ADAMTS3: variants seen among roughly 807,000 people sequenced by gnomAD.
ADAMTS3 encodes A disintegrin and metalloproteinase with thrombospondin motifs 3.
ADAMTS3 carries 73 observed loss-of-function variants against 129.0 expected under a neutral mutation model. The ratio of observed to expected loss-of-function variants is 0.57; its 90% CI spans 0.47 to 0.69. ADAMTS3 has a LOEUF of 0.69. ADAMTS3 is among the 30% of genes least tolerant of loss of function. The pLI is 0.00. For synonymous variants in ADAMTS3, 477 were observed against 510.8 expected (o/e 0.93, Z 0.89); for missense variants, 1,457 against 1,514.5 (o/e 0.96, Z 0.63).
intron 3 of ADAMTS3, among the ~76,000 whole-genome samples, chr4:72,530,428 TAA>T (rs1490575426): frequency 4.0e-4 from 34 of 84,002 alleles, no homozygotes; most frequent in Non-Finnish European, 5.0e-4. Flanking sequence ...TATATTAAAT[TAA>T]TATATGTTAA....
intron 3 of ADAMTS3, among the ~76,000 whole-genome samples, chr4:72,417,421 C>T (rs1455895553): frequency 6.6e-6 from 1 of 152,074 alleles, no homozygotes; most frequent in Non-Finnish European, 1.5e-5. Flanking sequence ...AAATTTCAGG[C>T]CACATGATGT....
chr4:72,323,278 G>T lies in ADAMTS3; in HGVS notation c.862-181C>A, dbSNP rs1719612850. On this transcript the variant is annotated intron_variant, in intron 5 of 21. Transcript: ENST00000286657. Reference sequence around the variant, plus strand: ...TAGCTTTGGTACAATGTGTGGATATGTAAATTGCTAATTTTGTAAACTCCA... The same window carrying T: ...TAGCTTTGGTACAATGTGTGGATATTTAAATTGCTAATTTTGTAAACTCCA... 5 of 579,148 alleles carry T rather than the reference G, an allele frequency of 8.6e-6. No individual in the cohort carries two copies. The Admixed American group carries it at 8.8e-5, about 10-fold the overall frequency. 35.9% of individuals were successfully genotyped at this position (579,148 alleles called of 1,614,324 possible). A position where few individuals can be genotyped will look rare whatever the true frequency, so the allele number is the denominator to read the frequency against.
Position 72,529,811 on chromosome 4 carries a change from A to G in ADAMTS3, c.504+18667T>C, listed in dbSNP as rs182694664. Among the ~76,000 whole-genome samples the G allele has an allele frequency of 1.8e-3, 172 of 93,910 alleles. 2 individuals are homozygous for G. Among genetic ancestry groups the G allele is most frequent in the African/African-American group, 7.3e-3 (168 of 23,148 alleles). The allele number at this position is 93,910 out of a possible 152,430, so 61.6% of individuals were successfully genotyped here. ...TATAATTTAATATAATATATATTAT[A>G]TATAATAATACATAATATATAACAT... is the stretch of plus-strand genomic sequence containing the variant. On this transcript the variant is annotated intron_variant, in intron 3 of 21. Transcript: ENST00000286657.
At chr4:72,457,712 A>C (rs1718662097) in intron 3 of ADAMTS3, among the ~76,000 whole-genome samples, 2 of 151,710 alleles carry the variant, frequency 1.3e-5, no homozygotes, top group Admixed American at 1.3e-4. Context: ...CTAAGGTAGA[A>C]AGATTCCACA....
At chr4:72,291,236 A>C (rs1718654562) in intron 19 of ADAMTS3, among the ~76,000 whole-genome samples, 174 bp from the exon 20 acceptor site, 1 of 152,004 alleles carries the variant, frequency 6.6e-6, no homozygotes, top group Admixed American at 6.6e-5. Context: ...TTTTAACAAT[A>C]GTAGGCTGAA....
At chr4:72,518,262 T>C (rs1733179025) in intron 3 of ADAMTS3, among the ~76,000 whole-genome samples, 1 of 152,158 alleles carries the variant, frequency 6.6e-6, no homozygotes, top group South Asian at 2.1e-4. Flanking sequence ...TCCAAGTATG[T>C]GGTCAATTTT....
At chr4:72,313,919 C>A in intron 11 of ADAMTS3, 97 bp from the exon 12 acceptor site, 1 of 1,371,078 alleles carries the variant, frequency 7.3e-7, no homozygotes, top group Non-Finnish European at 1.0e-6. Context: ...TTTCTTACTG[C>A]TCTTTTTTCT....
chr4:72,430,587 G>T (rs1258064071), intron 3 of ADAMTS3, among the ~76,000 whole-genome samples: 2 of 151,898 alleles, frequency 1.3e-5, no homozygotes, highest in Non-Finnish European at 2.9e-5. Context: ...TTGCCCTCTT[G>T]GAATGCCTAA....
At chr4:72,342,011 C>T (rs79969748) in intron 4 of ADAMTS3, among the ~76,000 whole-genome samples, 5,746 of 152,182 alleles carry the variant, frequency 0.038, 363 homozygotes, top group African/African-American at 0.13. Flanking sequence ...CTGTGAAATA[C>T]CTTCATTCAT....
At chr4:72,315,656 C>T (rs983076523) in intron 11 of ADAMTS3, among the ~76,000 whole-genome samples, 5 of 152,138 alleles carry the variant, frequency 3.3e-5, no homozygotes, top group South Asian at 2.1e-4. Context: ...TCCATTGTTT[C>T]AAGCCAACAA....
intron 3 of ADAMTS3, among the ~76,000 whole-genome samples, chr4:72,422,810 G>A (rs971217202): frequency 1.3e-5 from 2 of 152,148 alleles, no homozygotes; most frequent in East Asian, 3.9e-4. Flanking sequence ...ATGGGAACAA[G>A]GGGTGTGGGA....
At chr4:72,311,217 T>A in intron 13 of ADAMTS3, 36 bp from the exon 14 acceptor site, 2 of 1,576,158 alleles carry the variant, frequency 1.3e-6, no homozygotes, top group East Asian at 2.3e-5. Flanking sequence ...ACTATTTACA[T>A]AAAATGGAAT....
At chr4:72,547,774 A>G (rs1721503259) in intron 3 of ADAMTS3, among the ~76,000 whole-genome samples, 1 of 152,196 alleles carries the variant, frequency 6.6e-6, no homozygotes, top group Admixed American at 6.5e-5. Flanking sequence ...TTATTATTAG[A>G]CCCAACAGAC....
chr4:72,319,948 G>A lies in ADAMTS3; in HGVS notation c.1118C>T (p.Thr373Ile). Residue 373 changes from threonine (T) to isoleucine (I), a missense_variant, in exon 8 of 22, where the codon ACC becomes ATC. Coordinates refer to ENST00000286657, the MANE Select transcript of ADAMTS3 (RefSeq NM_014243.3). ...PAGMQGYAPV[T>I]GMCHPVRSCT... Reference sequence around the variant, plus strand: ...ACTTCTCACTGGATGACACATGCCGGTGACTGGAGCATATCCTGTAGAGAA... The same window carrying A: ...ACTTCTCACTGGATGACACATGCCGATGACTGGAGCATATCCTGTAGAGAA... The A allele has an allele frequency of 6.2e-7, 1 of 1,613,130 alleles. No individual in the cohort carries two copies. The highest frequency in any genetic ancestry group is 2.2e-5 in the East Asian group (1 of 44,792).
At chr4:72,362,389 T>C (rs1720751343) in intron 4 of ADAMTS3, among the ~76,000 whole-genome samples, 1 of 152,174 alleles carries the variant, frequency 6.6e-6, no homozygotes, top group Admixed American at 6.5e-5. Flanking sequence ...ACTAGTCATT[T>C]GTTTTCTCTG....
chr4:72,365,470 T>G (rs1471635155), intron 4 of ADAMTS3, among the ~76,000 whole-genome samples: 1 of 152,210 alleles, frequency 6.6e-6, no homozygotes, highest in Non-Finnish European at 1.5e-5. Flanking sequence ...TAAGTTTTTT[T>G]GGCGATACTG....
intron 4 of ADAMTS3, among the ~76,000 whole-genome samples, chr4:72,381,265 CT>C (rs371309165): frequency 6.6e-6 from 1 of 151,974 alleles, no homozygotes; most frequent in East Asian, 1.9e-4. Context: ...AACAAATAAC[CT>C]TTTTTTATTT....
At chr4:72,457,973 AAAGGAC>A (rs1279244900) in intron 3 of ADAMTS3, among the ~76,000 whole-genome samples, 1 of 149,284 alleles carries the variant, frequency 6.7e-6, no homozygotes, top group Non-Finnish European at 1.5e-5. Context: ...TTGGGAGATT[AAAGGAC>A]AGACAGCCCC....
At chr4:72,446,911 C>A (rs929386987) in intron 3 of ADAMTS3, among the ~76,000 whole-genome samples, 5 of 151,444 alleles carry the variant, frequency 3.3e-5, no homozygotes, top group East Asian at 2.0e-4. Flanking sequence ...AACAAGTCTG[C>A]CAACTCAAAT....
Sources: gnomAD v4.1 joint callset for allele counts (sites outside exome capture counted in the v4.1 genomes callset) on GRCh38, gnomAD v4.1.1 for gene constraint, MANE v1.5 for transcripts, NCBI Gene and HGNC (gene_info 2026-07-23, HGNC 2026-07-21) for gene names.